C9orf57: variants seen among roughly 807,000 people sequenced by gnomAD.
C9orf57 encodes chromosome 9 open reading frame 57.
A neutral mutation model predicts 12.9 loss-of-function variants in C9orf57; 12 were observed. That is an observed-to-expected ratio of 0.93 (90% CI 0.60 to 1.51). The LOEUF is 1.51. Among genes scored for constraint, C9orf57 ranks in the 40% most tolerant of loss-of-function variants. The probability of loss-of-function intolerance (pLI) is 0.00; values close to 1 mark genes in which losing one functional copy is unlikely to be tolerated. For missense variants in C9orf57, 141 were observed against 162.8 expected, an observed-to-expected ratio of 0.87 and a Z score of 0.73; for synonymous variants, 49 against 57.1, an observed-to-expected ratio of 0.86 and a Z score of 0.64.
intron 1 of C9orf57, 62 bp from the exon 2 acceptor site, chr9:72,059,446 A>G: frequency 1.3e-6 from 2 of 1,496,226 alleles, no homozygotes; most frequent in Middle Eastern, 1.7e-4. Flanking sequence ...AGGACTGGTT[A>G]AGTTTTATTG....
chr9:72,052,632 C>T (rs1824103185), intron 4 of C9orf57, among the ~76,000 whole-genome samples, 197 bp from the exon 5 acceptor site: 1 of 152,160 alleles, frequency 6.6e-6, no homozygotes, highest in African/African-American at 2.4e-5. Context: ...TAGTTGGGTA[C>T]ATTGCATACA....
Position 72,060,584 on chromosome 9 carries a change from G to T in C9orf57, c.-141C>A. Reference sequence around the variant, plus strand: ...GAACGAGTACAATTTGTGATGTGATGAAGTCCGTTACAACTGAAAGCGACA... The same window carrying T: ...GAACGAGTACAATTTGTGATGTGATTAAGTCCGTTACAACTGAAAGCGACA... On this transcript the variant is annotated 5_prime_UTR_variant, in exon 1 of 5. Transcript: ENST00000651200. 6.5e-7 allele frequency: 1 copy of T among 1,536,362 alleles called. No individual in the cohort carries two copies. The highest frequency in any genetic ancestry group is 1.2e-5 in the South Asian group (1 of 82,616).
At chr9:72,052,952 C>T (rs940997204) in intron 4 of C9orf57, among the ~76,000 whole-genome samples, 1 of 152,130 alleles carries the variant, frequency 6.6e-6, no homozygotes, top group Non-Finnish European at 1.5e-5. Flanking sequence ...AAATAAGTGA[C>T]AGTAACATCC....
chr9:72,058,606 A>G (rs925874964), intron 2 of C9orf57, among the ~76,000 whole-genome samples: 3 of 152,186 alleles, frequency 2.0e-5, no homozygotes, highest in Non-Finnish European at 4.4e-5. Context: ...ATCTTCCACT[A>G]TATGATGACC....
chr9:72,052,367 C>G lies in C9orf57; in HGVS notation c.349G>C (p.Val117Leu). The G allele has an allele frequency of 6.4e-7, 1 of 1,551,958 alleles. No individual in the cohort carries two copies. The highest frequency in any genetic ancestry group is 1.2e-5 in the South Asian group (1 of 84,056). Reference protein sequence around the residue: ...NTSECFKSTLVKRILQLHELV... With the variant: ...NTSECFKSTLLKRILQLHELV... Reference sequence around the variant, plus strand: ...TCATGCAGTTGCAGAATTCTCTTGACGAGAGTACTCTTGAAGCACTCTGAT... The same window carrying G: ...TCATGCAGTTGCAGAATTCTCTTGAGGAGAGTACTCTTGAAGCACTCTGAT... Residue 117 changes from valine (V) to leucine (L), a missense_variant, in exon 5 of 5, where the codon GTC (valine) becomes CTC (leucine). By Grantham distance (32) the Val-to-Leu change is conservative (BLOSUM62 1). Coordinates refer to ENST00000651200, the MANE Select transcript of C9orf57 (RefSeq NM_001128618.2).
In C9orf57 at chr9:72,052,216, A is replaced by G; in HGVS notation, c.*80T>C. ...AGGTTTCTGAAGTGGGCTAATTGACAATAGCCATCATTTTGTGATAGCCAG... is the reference window on the plus strand; with the variant it reads ...AGGTTTCTGAAGTGGGCTAATTGACGATAGCCATCATTTTGTGATAGCCAG... On this transcript the variant is annotated 3_prime_UTR_variant, in exon 5 of 5. Coordinates refer to ENST00000651200, the MANE Select transcript of C9orf57 (RefSeq NM_001128618.2). 1 of 1,465,684 alleles carries G rather than the reference A, an allele frequency of 6.8e-7. No individual in the cohort carries two copies. Among genetic ancestry groups the G allele is most frequent in the Non-Finnish European group, 9.2e-7 (1 of 1,088,322 alleles). The allele number at this position is 1,465,684 out of a possible 1,614,324, so 90.8% of individuals were successfully genotyped here. A position where few individuals can be genotyped will look rare whatever the true frequency, so the allele number is the denominator to read the frequency against.
In C9orf57 at chr9:72,060,585, A is replaced by T; in HGVS notation, c.-142T>A. On this transcript the variant is annotated 5_prime_UTR_variant, in exon 1 of 5. Coordinates refer to ENST00000651200, the MANE Select transcript of C9orf57 (RefSeq NM_001128618.2). ...AACGAGTACAATTTGTGATGTGATG[A>T]AGTCCGTTACAACTGAAAGCGACAC... 1 of 1,536,020 alleles carries T rather than the reference A, an allele frequency of 6.5e-7. No homozygotes were observed. Among genetic ancestry groups the T allele is most frequent in the Non-Finnish European group, 8.8e-7 (1 of 1,136,906 alleles).
chr9:72,057,070 G>T (rs756863798), intron 2 of C9orf57, among the ~76,000 whole-genome samples: 3 of 151,368 alleles, frequency 2.0e-5, no homozygotes, highest in Non-Finnish European at 4.4e-5. Context: ...CACACCCACC[G>T]TGTCCAGCTT....
intron 4 of C9orf57, among the ~76,000 whole-genome samples, chr9:72,054,672 C>T (rs1824151528): frequency 6.6e-6 from 1 of 152,010 alleles, no homozygotes; most frequent in African/African-American, 2.4e-5. Context: ...TATATTGATC[C>T]TTGTGGGAAT....
At chr9:72,053,696 C>T (rs186630913) in intron 4 of C9orf57, among the ~76,000 whole-genome samples, 5 of 152,268 alleles carry the variant, frequency 3.3e-5, no homozygotes, top group East Asian at 3.9e-4. Flanking sequence ...AATACCAAAA[C>T]GCCTTGCGAC....
chr9:72,055,886 G>A (rs1170608060), intron 4 of C9orf57, among the ~76,000 whole-genome samples, 188 bp downstream of exon 4: 2 of 152,016 alleles, frequency 1.3e-5, no homozygotes, highest in East Asian at 1.9e-4. Context: ...TTAATCGTTC[G>A]TGTCTCAGCT....
chr9:72,058,954 C>G (rs1026647707), intron 2 of C9orf57, among the ~76,000 whole-genome samples: 1 of 151,792 alleles, frequency 6.6e-6, no homozygotes, highest in African/African-American at 2.4e-5. Flanking sequence ...CTTGGCTCAT[C>G]GCAACCTCTG....
At chr9:72,057,470 C>T (rs191131164) in intron 2 of C9orf57, among the ~76,000 whole-genome samples, 16 of 151,986 alleles carry the variant, frequency 1.1e-4, no homozygotes, top group Admixed American at 1.0e-3. Flanking sequence ...AGGTGATCTA[C>T]CCACCTCGGC....
rs1469560710 is a variant in C9orf57 at position 72,059,282 on chromosome 9, A to T, written c.50T>A (p.Val17Asp). The change falls in exon 2 of 5, where the codon GTT becomes GAT. Residue 17 changes from valine to aspartate, a missense_variant. Physicochemically the swap from Val to Asp is radical, Grantham distance 152. Transcript: ENST00000651200. ...AACACCTAAGAGGCGGAATAAGATAACACCTAAGAGGCGGAATAAGATAAC... is the reference window on the plus strand; with the variant it reads ...AACACCTAAGAGGCGGAATAAGATATCACCTAAGAGGCGGAATAAGATAAC... The part of the protein sequence containing the change: ...AGVILFRLLG[V>D]ILFRLLGVIL... 1 of 1,551,656 alleles carries T rather than the reference A, an allele frequency of 6.4e-7. No homozygotes were observed.
rs1321544590 is a variant in C9orf57, at chr9:72,052,236, A to G, written c.*60T>C. The stretch of plus-strand genomic sequence containing the variant: ...TTGACAATAGCCATCATTTTGTGAT[A>G]GCCAGGTCAGGCTTCGAGACTGATT... On this transcript the variant is annotated 3_prime_UTR_variant, in exon 5 of 5. Transcript: ENST00000651200. The G allele has an allele frequency of 1.3e-6, 2 of 1,524,938 alleles. No individual in the cohort carries two copies. The highest frequency in any genetic ancestry group is 1.8e-6 in the Non-Finnish European group (2 of 1,131,954). 94.5% of individuals were successfully genotyped at this position (1,524,938 alleles called of 1,614,324 possible).
At chr9:72,055,148 G>C (rs1174928566) in intron 4 of C9orf57, among the ~76,000 whole-genome samples, 2 of 151,210 alleles carry the variant, frequency 1.3e-5, no homozygotes, top group African/African-American at 4.9e-5. Context: ...TGTTGCCCAG[G>C]TTGGTCTTGA....
intron 4 of C9orf57, among the ~76,000 whole-genome samples, chr9:72,053,717 GATTC>G (rs1179982760): frequency 2.0e-5 from 3 of 152,284 alleles, no homozygotes; most frequent in Non-Finnish European, 4.4e-5. Context: ...GTGACCCCAT[GATTC>G]TCATCCTCTC....
chr9:72,056,486 G>A (rs906180601), intron 3 of C9orf57, among the ~76,000 whole-genome samples: 2 of 151,998 alleles, frequency 1.3e-5, no homozygotes, highest in African/African-American at 4.8e-5. Context: ...GTGTGAATGA[G>A]AAAGTATATA....
At position 72,051,417 on chromosome 9, in the gene C9orf57, C is replaced by A. The variant is rs1225587343; in HGVS notation, c.*879G>T. On this transcript the variant is annotated 3_prime_UTR_variant, in exon 5 of 5. Transcript: ENST00000651200. Reference sequence around the variant, plus strand: ...TATTTATTTTTTGAATTTTCAAACTCCTGAAAATACAGAGAAAGACAGTTT... The same window carrying A: ...TATTTATTTTTTGAATTTTCAAACTACTGAAAATACAGAGAAAGACAGTTT... 3.9e-5 allele frequency: 6 copies of A among 152,090 alleles called. No individual in the cohort carries two copies. In the East Asian group the frequency reaches 9.7e-4, roughly 25 times the overall value. 9.4% of individuals were successfully genotyped at this position (152,090 alleles called of 1,614,324 possible).
Sources: gnomAD v4.1 joint callset for allele counts (sites outside exome capture counted in the v4.1 genomes callset) on GRCh38, gnomAD v4.1.1 for gene constraint, MANE v1.5 for transcripts, NCBI Gene and HGNC (gene_info 2026-07-23, HGNC 2026-07-21) for gene names.